Variants in PLEKHA6 observed in about 807,000 individuals in gnomAD.
The protein encoded by PLEKHA6 is pleckstrin homology domain-containing family A member 6.
Under a neutral mutation model 116.7 loss-of-function variants are expected in PLEKHA6, and 60 were observed. The observed-to-expected ratio is 0.51, with a 90% confidence interval of 0.42 to 0.64. PLEKHA6 has a LOEUF of 0.64. Ranked by LOEUF, PLEKHA6 falls within the 30% of genes least tolerant of loss-of-function variation. PLEKHA6 has a pLI of 0.00. For synonymous variants in PLEKHA6, 489 were observed against 556.1 expected, an observed-to-expected ratio of 0.88 and a Z score of 1.70; for missense variants, 1,338 against 1,422.7, an observed-to-expected ratio of 0.94 and a Z score of 0.96.
intron 1 of PLEKHA6, among the ~76,000 whole-genome samples, chr1:204,344,239 C>T (rs1220122197): frequency 6.6e-6 from 1 of 152,296 alleles, no homozygotes; most frequent in East Asian, 1.9e-4. Context: ...CCTGTTCTCT[C>T]CTGAGGTTCT....
intron 1 of PLEKHA6, among the ~76,000 whole-genome samples, chr1:204,357,042 G>A (rs550466317): frequency 2.6e-5 from 4 of 152,170 alleles, no homozygotes; most frequent in South Asian, 2.1e-4. Flanking sequence ...ATCCACACAC[G>A]GACTATTATA....
chr1:204,311,876 C>T (rs4951064), intron 1 of PLEKHA6: 59,034 of 155,108 alleles, frequency 0.38, 12,474 homozygotes, highest in Middle Eastern at 0.48. Flanking sequence ...AAGATCTAAA[C>T]TGAATCCCTC....
rs949246760 is a variant in PLEKHA6 at position 204,321,466 on chromosome 1, T to C, written c.-95+38228A>G. Among the ~76,000 whole-genome samples the C allele has an allele frequency of 2.6e-5, 4 of 151,768 alleles. No individual in the cohort carries two copies. The East Asian group carries it at 7.8e-4, about 29-fold the overall frequency. On this transcript the variant is annotated intron_variant, in intron 1 of 22. Transcript: ENST00000272203. ...TGCCCCCCTGCAGTGCACTCTGTGC[T>C]CCAGCCTCTGACTCTGCTGATCTAG...
intron 1 of PLEKHA6, chr1:204,325,785 C>T (rs1437960717): frequency 2.4e-6 from 1 of 416,834 alleles, no homozygotes; most frequent in Non-Finnish European, 3.2e-6. Flanking sequence ...GGCCTTGGCG[C>T]AAGACTCTAC....
At chr1:204,349,649 C>A (rs774238127) in intron 1 of PLEKHA6, among the ~76,000 whole-genome samples, 22 of 152,100 alleles carry the variant, frequency 1.4e-4, no homozygotes, top group African/African-American at 4.1e-4. Context: ...GCAACAGAGA[C>A]CCAGCTCGAG....
At chr1:204,320,801 T>C (rs11587146) in intron 1 of PLEKHA6, among the ~76,000 whole-genome samples, 1 of 152,134 alleles carries the variant, frequency 6.6e-6, no homozygotes, top group South Asian at 2.1e-4. Context: ...GTGTGTAGAA[T>C]GGGGAGTGGG....
Position 204,248,830 on chromosome 1 carries a change from C to T in PLEKHA6, c.1815G>A (p.Gln605=), listed in dbSNP as rs756653784. 4.3e-6 allele frequency: 7 copies of T among 1,613,734 alleles called. No homozygotes were observed. Among genetic ancestry groups the T allele is most frequent in the Non-Finnish European group, 5.9e-6 (7 of 1,179,986 alleles). ...QLINIRVELS[Q]ATTALTNSTI... ...CCGCTCCCTGGGTTACCGTGGTCGC[C>T]TGAGACAGCTCCACGCGGATGTTGA... Residue 605 remains glutamine (Q), a synonymous_variant, in exon 12 of 23, where the codon CAG becomes CAA. Coordinates refer to ENST00000272203, the MANE Select transcript of PLEKHA6 (RefSeq NM_014935.5).
At chr1:204,300,856 T>G (rs1282725193) in intron 1 of PLEKHA6, among the ~76,000 whole-genome samples, 1 of 152,186 alleles carries the variant, frequency 6.6e-6, no homozygotes, top group Non-Finnish European at 1.5e-5. Context: ...TACAAGACTA[T>G]ATGAGGCAAT....
Position 204,228,649 on chromosome 1 carries a change from C to A in PLEKHA6, c.2885+79G>T. On this transcript the variant is annotated intron_variant, in intron 20 of 22. Coordinates refer to ENST00000272203, the MANE Select transcript of PLEKHA6 (RefSeq NM_014935.5). The surrounding 1 kb of genome is among the most constrained non-coding windows in gnomAD (Gnocchi z 4.0). ...GCTCTCCCCTGGGGAGGCTCTGTGC[C>A]CCCAACGACTTCTAGTGGCCCAGGT... 2 of 1,387,858 alleles carry A rather than the reference C, an allele frequency of 1.4e-6. No individual in the cohort carries two copies. The highest frequency in any genetic ancestry group is 2.4e-5 in the South Asian group (2 of 83,782). The allele number at this position is 1,387,858 out of a possible 1,614,324, so 86.0% of individuals were successfully genotyped here.
intron 1 of PLEKHA6, among the ~76,000 whole-genome samples, chr1:204,332,380 G>GA (rs1558186495): frequency 6.6e-6 from 1 of 151,204 alleles, no homozygotes; most frequent in Non-Finnish European, 1.5e-5. Context: ...CTCACTGTTT[G>GA]TTTTTTTTTA....
At chr1:204,330,995 G>A (rs1672426869) in intron 1 of PLEKHA6, among the ~76,000 whole-genome samples, 1 of 152,100 alleles carries the variant, frequency 6.6e-6, no homozygotes, top group East Asian at 1.9e-4. Context: ...AGGAGTTCGA[G>A]ACCAGCCTGG....
At chr1:204,249,099 G>T in intron 11 of PLEKHA6, 85 bp downstream of exon 11, 1 of 1,478,072 alleles carries the variant, frequency 6.8e-7, no homozygotes, top group Non-Finnish European at 9.4e-7. Flanking sequence ...TGTCATCTCA[G>T]TCAGGTTGGA....
chr1:204,332,318 T>C (rs1672483030), intron 1 of PLEKHA6, among the ~76,000 whole-genome samples: 1 of 152,156 alleles, frequency 6.6e-6, no homozygotes, highest in African/African-American at 2.4e-5. Context: ...CCACAGGGCC[T>C]GAGGTTACCT....
rs747339136 is a variant in PLEKHA6 at position 204,245,604 on chromosome 1, G to A, written c.2032+11C>T. 6.5e-7 allele frequency: 1 copy of A among 1,548,162 alleles called. No individual in the cohort carries two copies. The highest frequency in any genetic ancestry group is 8.9e-7 in the Non-Finnish European group (1 of 1,120,918). Reference sequence around the variant, plus strand: ...CAGGCAGCCTAGGAGGCTGGCACAGGAGGCACCCACCTCTGTGCTTGGCGG... The same window carrying A: ...CAGGCAGCCTAGGAGGCTGGCACAGAAGGCACCCACCTCTGTGCTTGGCGG... On this transcript the variant is annotated intron_variant, in intron 14 of 22. Transcript: ENST00000272203.
At chr1:204,346,355 C>T (rs535365603) in intron 1 of PLEKHA6, among the ~76,000 whole-genome samples, 3 of 152,144 alleles carry the variant, frequency 2.0e-5, no homozygotes, top group Non-Finnish European at 4.4e-5. Context: ...CACTCTCACC[C>T]CCCTAGAGGA....
chr1:204,255,939 C>T (rs963914207), intron 9 of PLEKHA6, among the ~76,000 whole-genome samples: 7 of 152,162 alleles, frequency 4.6e-5, no homozygotes, highest in Non-Finnish European at 8.8e-5. Context: ...CTGCCTAGGC[C>T]TCCCTGGGAG....
At chr1:204,266,807 AC>A (rs1666879576) in intron 5 of PLEKHA6, among the ~76,000 whole-genome samples, 1 of 151,922 alleles carries the variant, frequency 6.6e-6, no homozygotes, top group Non-Finnish European at 1.5e-5. Flanking sequence ...CTCATCCCTC[AC>A]GCCTATTTCC....
rs1321129257 is a variant in PLEKHA6, at chr1:204,300,939, A to C, written c.-94-26130T>G. ...AACTGAAAGTTTTGTCCTAACTGGC[A>C]GCAAAACTCAACCTGACTTGAGCAT... On this transcript the variant is annotated intron_variant, in intron 1 of 22. Coordinates refer to ENST00000272203, the MANE Select transcript of PLEKHA6 (RefSeq NM_014935.5). Among the ~76,000 whole-genome samples the C allele has an allele frequency of 3.3e-5, 5 of 152,266 alleles. No homozygotes were observed. In the East Asian group the frequency reaches 9.6e-4, roughly 29 times the overall value.
At position 204,259,130 on chromosome 1, in the gene PLEKHA6, C is replaced by T; in HGVS notation, c.1007+128G>A. The T allele has an allele frequency of 9.1e-7, 1 of 1,101,102 alleles. No individual in the cohort carries two copies. The highest frequency in any genetic ancestry group is 2.6e-5 in the East Asian group (1 of 38,844). 68.2% of individuals were successfully genotyped at this position (1,101,102 alleles called of 1,614,324 possible). On this transcript the variant is annotated intron_variant, in intron 8 of 22. Transcript: ENST00000272203. The surrounding 1 kb of genome is among the most constrained non-coding windows in gnomAD (Gnocchi z 4.6). Reference sequence around the variant, plus strand: ...GGCAAGCCAGGAAGCATGGGATTTGCTTGGTTTCCCAACTCAGCCTGCTTC... The same window carrying T: ...GGCAAGCCAGGAAGCATGGGATTTGTTTGGTTTCCCAACTCAGCCTGCTTC...
Sources: allele counts gnomAD v4.1 joint callset (sites outside exome capture counted in the v4.1 genomes callset), GRCh38; gene constraint gnomAD v4.1.1; non-coding constraint Gnocchi (gnomAD v3.1); transcripts MANE v1.5; gene names NCBI Gene and HGNC (gene_info 2026-07-23, HGNC 2026-07-21).